The following OTUD7A variants were observed in gnomAD, a reference collection of about 807,000 sequenced individuals.
The protein encoded by OTUD7A is OTU deubiquitinase 7A.
OTUD7A carries 12 observed loss-of-function variants against 65.7 expected under a neutral mutation model. The observed-to-expected ratio is 0.18, with a 90% CI of 0.12 to 0.30. The LOEUF is 0.30. Ranked by LOEUF, OTUD7A falls within the 10% of genes least tolerant of loss-of-function variation. OTUD7A has a pLI of 1.00. For synonymous variants in OTUD7A, 641 were observed against 586.3 expected, an observed-to-expected ratio of 1.09 and a Z score of -1.35; for missense variants, 1,148 against 1,304.8, an observed-to-expected ratio of 0.88 and a Z score of 1.85.
chr15:31,719,131 C>T (rs1185444687), intron 1 of OTUD7A, among the ~76,000 whole-genome samples: 2 of 152,170 alleles, frequency 1.3e-5, no homozygotes, highest in East Asian at 3.8e-4. Flanking sequence ...GTTGCCCAGG[C>T]TGGAGTGCGG....
At chr15:31,517,351 T>A (rs575140784) in intron 8 of OTUD7A, among the ~76,000 whole-genome samples, 2 of 152,210 alleles carry the variant, frequency 1.3e-5, no homozygotes, top group South Asian at 4.1e-4. Flanking sequence ...CCAGAGCCCA[T>A]TGGTAGAAAT....
intron 1 of OTUD7A, among the ~76,000 whole-genome samples, chr15:31,710,439 C>T (rs2141336285): frequency 6.6e-6 from 1 of 151,384 alleles, no homozygotes; most frequent in South Asian, 2.1e-4. Context: ...ACATGAATTT[C>T]ACCCAGCCGC....
chr15:31,784,236 G>C (rs1429282164), intron 1 of OTUD7A, among the ~76,000 whole-genome samples: 4 of 152,172 alleles, frequency 2.6e-5, no homozygotes, highest in Non-Finnish European at 5.9e-5. Flanking sequence ...ACTTGTTGTT[G>C]AATTCAGATG....
chr15:31,561,652 AT>A (rs1888692168), intron 4 of OTUD7A, among the ~76,000 whole-genome samples: 1 of 152,198 alleles, frequency 6.6e-6, no homozygotes, highest in South Asian at 2.1e-4. Context: ...GGAAAAAAGT[AT>A]TTTTGAACTA....
At chr15:31,630,543 C>G (rs1037954238) in intron 3 of OTUD7A, among the ~76,000 whole-genome samples, 13 of 151,264 alleles carry the variant, frequency 8.6e-5, no homozygotes, top group Non-Finnish European at 1.8e-4. Context: ...AGGTGTGGTG[C>G]TGAAAAAAAT....
Position 31,480,536 on chromosome 15 carries a change from C to A in OTUD7A, c.*2758G>T, listed in dbSNP as rs1370131654. The A allele has an allele frequency of 2.0e-5, 3 of 152,268 alleles. No individual in the cohort carries two copies. The highest frequency in any genetic ancestry group is 6.5e-5 in the Admixed American group (1 of 15,286). 9.4% of individuals were successfully genotyped at this position (152,268 alleles called of 1,614,324 possible). On this transcript the variant is annotated 3_prime_UTR_variant, in exon 13 of 13. Coordinates refer to ENST00000307050, the MANE Select transcript of OTUD7A (RefSeq NM_001382637.1). Reference sequence around the variant, plus strand: ...CCTTTCTCCCTGCTCCACAAAGGGCCCTCACGCCATGGAACACGAGGGAAG... The same window carrying A: ...CCTTTCTCCCTGCTCCACAAAGGGCACTCACGCCATGGAACACGAGGGAAG...
At chr15:31,616,714 T>C (rs1399915506) in intron 3 of OTUD7A, among the ~76,000 whole-genome samples, 1 of 152,124 alleles carries the variant, frequency 6.6e-6, no homozygotes, top group Non-Finnish European at 1.5e-5. Flanking sequence ...TGGCTAATTT[T>C]TGTATTTTCA....
chr15:31,777,447 G>A (rs1035554064), intron 1 of OTUD7A, among the ~76,000 whole-genome samples: 3 of 152,210 alleles, frequency 2.0e-5, no homozygotes, highest in Admixed American at 2.0e-4. Context: ...TGGGCATTAG[G>A]ACCTTCATGT....
At chr15:31,755,003 CAG>C (rs141398720) in intron 1 of OTUD7A, among the ~76,000 whole-genome samples, 52 of 146,560 alleles carry the variant, frequency 3.5e-4, no homozygotes, top group Admixed American at 4.1e-4. Context: ...GTGAGAGAGA[CAG>C]AGAGAGAGAG....
chr15:31,516,768 CTA>C (rs1030444856), intron 8 of OTUD7A, among the ~76,000 whole-genome samples: 2 of 152,128 alleles, frequency 1.3e-5, no homozygotes, highest in Non-Finnish European at 2.9e-5. Flanking sequence ...TCCTATTCCC[CTA>C]TATATATTTC....
intron 1 of OTUD7A, among the ~76,000 whole-genome samples, chr15:31,815,869 C>A (rs1177837196): frequency 6.6e-6 from 1 of 152,226 alleles, no homozygotes; most frequent in African/African-American, 2.4e-5. Flanking sequence ...CATTTATTGG[C>A]AGCTCTCTCT....
At chr15:31,635,251 T>C (rs1891303735) in intron 3 of OTUD7A, among the ~76,000 whole-genome samples, 1 of 152,156 alleles carries the variant, frequency 6.6e-6, no homozygotes, top group Admixed American at 6.5e-5. Context: ...CATTTCCTCT[T>C]AGGAAAACCT....
chr15:31,620,257 G>C (rs1890736370), intron 3 of OTUD7A, among the ~76,000 whole-genome samples: 1 of 152,064 alleles, frequency 6.6e-6, no homozygotes, highest in African/African-American at 2.4e-5. Context: ...GCCAGGCTTT[G>C]GTATCAGGAT....
chr15:31,496,753 G>A (rs2041390394), intron 10 of OTUD7A, among the ~76,000 whole-genome samples: 1 of 152,146 alleles, frequency 6.6e-6, no homozygotes, highest in Non-Finnish European at 1.5e-5. Flanking sequence ...TTAACCACGA[G>A]CCATACATCA....
At chr15:31,551,854 T>C (rs1888334491) in intron 5 of OTUD7A, among the ~76,000 whole-genome samples, 2 of 152,222 alleles carry the variant, frequency 1.3e-5, no homozygotes, top group South Asian at 4.1e-4. Context: ...ATTGCCTTCA[T>C]GTCCTTTGCT....
intron 1 of OTUD7A, chr15:31,765,989 A>C (rs1895084401): frequency 6.5e-7 from 1 of 1,534,224 alleles, no homozygotes; most frequent in South Asian, 1.1e-5. Context: ...TTTTTTGCTC[A>C]TCAAACTCCT....
intron 1 of OTUD7A, among the ~76,000 whole-genome samples, chr15:31,693,246 C>CT (rs71103454): frequency 1.3e-5 from 2 of 152,080 alleles, no homozygotes; most frequent in Admixed American, 6.5e-5. Flanking sequence ...AGGAGAGTCT[C>CT]TTTTTTTTGT....
chr15:31,526,260 C>T, intron 8 of OTUD7A, 89 bp downstream of exon 8: 1 of 1,233,014 alleles, frequency 8.1e-7, no homozygotes, highest in Non-Finnish European at 1.1e-6. Flanking sequence ...GTCCCACATT[C>T]CCCCCCGTGC....
rs1464282789 is a variant in OTUD7A, at chr15:31,487,680, A to G, written c.1172-114T>C. 9.3e-6 allele frequency: 7 copies of G among 754,602 alleles called. No individual in the cohort carries two copies. The Admixed American group carries it at 1.1e-4, about 12-fold the overall frequency. 46.7% of individuals were successfully genotyped at this position (754,602 alleles called of 1,614,324 possible). Reference sequence around the variant, plus strand: ...ACAAATGCACCGAGTGGACATCTACACAGATCTGTGCCAGCAGGAGCATGA... The same window carrying G: ...ACAAATGCACCGAGTGGACATCTACGCAGATCTGTGCCAGCAGGAGCATGA... On this transcript the variant is annotated intron_variant, in intron 10 of 12. Transcript: ENST00000307050. This position sits in a 1 kb window ranked among gnomAD's most constrained non-coding sequence, Gnocchi z 6.0.
Sources: gnomAD v4.1 joint callset for allele counts (sites outside exome capture counted in the v4.1 genomes callset) on GRCh38, gnomAD v4.1.1 for gene constraint, Gnocchi (gnomAD v3.1) non-coding constraint, MANE v1.5 for transcripts, NCBI Gene and HGNC (gene_info 2026-07-23, HGNC 2026-07-21) for gene names.